NUGGC: variants seen among roughly 807,000 people sequenced by gnomAD.
The protein encoded by NUGGC is nuclear GTPase, germinal center associated.
NUGGC carries 58 observed loss-of-function variants against 92.6 expected under a neutral mutation model. That is an observed-to-expected ratio of 0.63 (90% CI 0.51 to 0.78). The LOEUF (loss-of-function observed/expected upper bound fraction) is 0.78, where lower values mean the gene tolerates loss of function less well. Ranked by LOEUF, NUGGC falls within the 30% of genes least tolerant of loss-of-function variation. The pLI is 0.00. For missense variants in NUGGC, 925 were observed against 964.6 expected, an observed-to-expected ratio of 0.96 and a Z score of 0.54; for synonymous variants, 376 against 366.4, an observed-to-expected ratio of 1.03 and a Z score of -0.30.
In NUGGC at chr8:28,068,276, T is replaced by C. The variant is rs1810496714; in HGVS notation, c.420A>G (p.Val140=). Residue 140 remains valine, a synonymous_variant, in exon 5 of 19, where the codon GTA becomes GTG. Coordinates refer to ENST00000413272, the MANE Select transcript of NUGGC (RefSeq NM_001010906.2). ...SGESICTSCI[V]QVSSGCCVQY... ...GCACACAGCAGCCAGAGCTCACTTG[T>C]ACAATGCAGGAAGTACATATGCTTT... is the stretch of plus-strand genomic sequence containing the variant. The C allele has an allele frequency of 1.3e-6, 2 of 1,550,910 alleles. No homozygotes were observed. Among genetic ancestry groups the C allele is most frequent in the Non-Finnish European group, 1.7e-6 (2 of 1,147,214 alleles).
chr8:28,056,182 A>G, intron 9 of NUGGC, 128 bp from the exon 10 acceptor site: 1 of 586,742 alleles, frequency 1.7e-6, no homozygotes, highest in East Asian at 3.0e-5. Flanking sequence ...GCACTGTATT[A>G]GAATTATACA....
intron 10 of NUGGC, among the ~76,000 whole-genome samples, chr8:28,050,256 G>A (rs1422798173): frequency 1.3e-5 from 2 of 150,620 alleles, no homozygotes; most frequent in Non-Finnish European, 3.0e-5. Context: ...ATGGTGGTGA[G>A]TGCCTGTAAT....
chr8:28,071,030 T>C (rs1810578932), intron 2 of NUGGC, among the ~76,000 whole-genome samples: 1 of 152,054 alleles, frequency 6.6e-6, no homozygotes, highest in South Asian at 2.1e-4. Flanking sequence ...CTTCCAGCTC[T>C]GTCTGCCCAT....
intron 11 of NUGGC, 45 bp from the exon 12 acceptor site, chr8:28,045,705 T>C (rs758389793): frequency 5.0e-6 from 8 of 1,591,598 alleles, no homozygotes; most frequent in Non-Finnish European, 6.8e-6. Context: ...GGCCAGAAGT[T>C]TGTGGTCAAT....
intron 7 of NUGGC, among the ~76,000 whole-genome samples, chr8:28,061,087 C>T (rs1354678654): frequency 1.3e-5 from 2 of 152,210 alleles, no homozygotes; most frequent in East Asian, 1.9e-4. Context: ...GTCCCAGTCC[C>T]AGATCCATCA....
chr8:28,056,991 T>C (rs1033097125), intron 9 of NUGGC, among the ~76,000 whole-genome samples: 3 of 152,362 alleles, frequency 2.0e-5, no homozygotes, highest in Admixed American at 1.3e-4. Flanking sequence ...TGTGAACAAC[T>C]GCTCCAGTAA....
At chr8:28,071,259 AGACG>A (rs527521189) in intron 2 of NUGGC, among the ~76,000 whole-genome samples, 23 of 152,320 alleles carry the variant, frequency 1.5e-4, no homozygotes, top group African/African-American at 4.8e-4. Context: ...GAAAAGCTGA[AGACG>A]GGGTTAAGTG....
intron 5 of NUGGC, 43 bp from the exon 6 acceptor site, chr8:28,067,787 C>T (rs1810478974): frequency 2.7e-6 from 4 of 1,477,852 alleles, no homozygotes; most frequent in South Asian, 1.2e-5. Context: ...GACACAGACA[C>T]AGAGAACACC....
chr8:28,079,351 C>T (rs910028712), intron 1 of NUGGC, among the ~76,000 whole-genome samples: 1 of 152,066 alleles, frequency 6.6e-6, no homozygotes, highest in Non-Finnish European at 1.5e-5. Context: ...ACCAGCCTGA[C>T]CAGCATGGTG....
intron 13 of NUGGC, 41 bp from the exon 14 acceptor site, chr8:28,033,738 T>A (rs1163122249): frequency 6.3e-7 from 1 of 1,582,062 alleles, no homozygotes; most frequent in Non-Finnish European, 8.7e-7. Flanking sequence ...AGGCATTAAC[T>A]GGAAGGTCAC....
chr8:28,072,415 T>C (rs1378279867), intron 2 of NUGGC, among the ~76,000 whole-genome samples: 3 of 152,168 alleles, frequency 2.0e-5, no homozygotes, highest in African/African-American at 7.2e-5. Flanking sequence ...ATCTCAGAAC[T>C]CCAGGATGTG....
At chr8:28,062,102 T>C (rs1216099357) in intron 7 of NUGGC, among the ~76,000 whole-genome samples, 2 of 152,188 alleles carry the variant, frequency 1.3e-5, no homozygotes, top group African/African-American at 4.8e-5. Context: ...CAGGAACCTT[T>C]TGGCTCCATA....
rs141689866 is a variant in NUGGC at position 28,075,271 on chromosome 8, A to T, written c.-46-815T>A. 3.7e-3 allele frequency among the ~76,000 whole-genome samples: 562 copies of T among 152,052 alleles called. 2 individuals carry two copies. Among genetic ancestry groups the T allele is most frequent in the African/African-American group, 0.013 (524 of 41,458 alleles). On this transcript the variant is annotated intron_variant, in intron 1 of 18. Coordinates refer to ENST00000413272, the MANE Select transcript of NUGGC (RefSeq NM_001010906.2). ...CAAGCGCAACTTCCACCAGGAGGAC[A>T]CCCCTCCTGGGCTCTCCTTGCAGCT...
chr8:28,071,378 A>G (rs1051036162), intron 2 of NUGGC, among the ~76,000 whole-genome samples: 6 of 152,308 alleles, frequency 3.9e-5, no homozygotes, highest in Middle Eastern at 3.4e-3. Context: ...AAAAAATCAC[A>G]TCTTCTTGAG....
At chr8:28,041,421 C>T (rs1276792729) in intron 12 of NUGGC, among the ~76,000 whole-genome samples, 1 of 152,212 alleles carries the variant, frequency 6.6e-6, no homozygotes, top group Non-Finnish European at 1.5e-5. Flanking sequence ...AAATACCTGC[C>T]TGGTGCAACT....
At chr8:28,025,386 A>C (rs1461943439) in intron 18 of NUGGC, among the ~76,000 whole-genome samples, 2 of 152,204 alleles carry the variant, frequency 1.3e-5, no homozygotes, top group Non-Finnish European at 2.9e-5. Flanking sequence ...CATCAAACTG[A>C]GGGGAGCACC....
intron 18 of NUGGC, among the ~76,000 whole-genome samples, 177 bp downstream of exon 18, chr8:28,026,784 TC>T (rs1809273069): frequency 3.3e-5 from 5 of 152,074 alleles, no homozygotes; most frequent in Non-Finnish European, 7.4e-5. Context: ...ATCATCATCA[TC>T]ATCATCATCA....
intron 7 of NUGGC, among the ~76,000 whole-genome samples, chr8:28,063,715 G>T (rs1410239408): frequency 6.6e-6 from 1 of 152,168 alleles, no homozygotes; most frequent in Non-Finnish European, 1.5e-5. Context: ...GCTCTAGATT[G>T]TGACTGGAAG....
At chr8:28,081,078 G>A (rs142911284) in intron 1 of NUGGC, among the ~76,000 whole-genome samples, 11 of 152,272 alleles carry the variant, frequency 7.2e-5, no homozygotes, top group South Asian at 2.1e-4. Flanking sequence ...TAGCACCTTG[G>A]GAGGCCAAGG....
Sources: gnomAD v4.1 joint callset for allele counts (sites outside exome capture counted in the v4.1 genomes callset) on GRCh38, gnomAD v4.1.1 for gene constraint, MANE v1.5 for transcripts, NCBI Gene and HGNC (gene_info 2026-07-23, HGNC 2026-07-21) for gene names.